The following MIR2052HG variants were observed in gnomAD, a reference collection of about 807,000 sequenced individuals.
MIR2052HG encodes MIR2052 host gene.
chr8:74,639,501 C>A (rs1448009437), intron 2 of MIR2052HG, among the ~76,000 whole-genome samples: 1 of 152,162 alleles, frequency 6.6e-6, no homozygotes, highest in Non-Finnish European at 1.5e-5. Context: ...GATCGCACAA[C>A]TGGTCACATA....
intron 1 of MIR2052HG, among the ~76,000 whole-genome samples, chr8:74,608,612 A>G (rs1808147285): frequency 6.6e-6 from 1 of 152,202 alleles, no homozygotes; most frequent in South Asian, 2.1e-4. Flanking sequence ...GATTCAATCA[A>G]TTAAATTCAT....
chr8:74,671,400 C>T (rs1045649608), intron 2 of MIR2052HG, among the ~76,000 whole-genome samples: 13 of 151,940 alleles, frequency 8.6e-5, no homozygotes, highest in Admixed American at 1.3e-4. Flanking sequence ...AGGATAGCTT[C>T]GCTTGTTTTT....
chr8:74,728,129 C>T (rs554721774), intron 4 of MIR2052HG, among the ~76,000 whole-genome samples: 1 of 152,276 alleles, frequency 6.6e-6, no homozygotes, highest in South Asian at 2.1e-4. Context: ...AAATAGTGCA[C>T]ATCATACTTG....
chr8:74,647,920 T>C (rs1023386151), intron 2 of MIR2052HG, among the ~76,000 whole-genome samples: 4 of 152,226 alleles, frequency 2.6e-5, no homozygotes, highest in Admixed American at 6.5e-5. Flanking sequence ...CTTAATCCTG[T>C]TATCTTTGCA....
chr8:74,661,167 T>C (rs1217573093), intron 2 of MIR2052HG, among the ~76,000 whole-genome samples: 2 of 150,564 alleles, frequency 1.3e-5, no homozygotes, highest in South Asian at 2.1e-4. Flanking sequence ...CCTGGTGACA[T>C]GAAAAAACTT....
intron 5 of MIR2052HG, among the ~76,000 whole-genome samples, chr8:74,753,308 G>C (rs190252740): frequency 1.3e-5 from 2 of 152,292 alleles, no homozygotes; most frequent in Admixed American, 6.5e-5. Context: ...ACATTATATA[G>C]TCTTTGTTGC....
chr8:74,733,921 A>G (rs947592183), intron 4 of MIR2052HG, among the ~76,000 whole-genome samples: 9 of 152,092 alleles, frequency 5.9e-5, no homozygotes, highest in Non-Finnish European at 1.3e-4. Context: ...CCACTTTTTG[A>G]TGGCAAGGAC....
rs553739238 is a variant in MIR2052HG, at chr8:74,688,506, A to G, written n.217-13873A>G. On this transcript the variant is annotated intron_variant and non_coding_transcript_variant, in intron 2 of 6. Coordinates refer to ENST00000523442, the Ensembl canonical transcript of MIR2052HG. ...GATATTAAAGAACTGAAGAGGGACC[A>G]AGAGAATGTGTACTTATTGCAGTGA... Among the ~76,000 whole-genome samples the G allele has an allele frequency of 9.5e-3, 1,329 of 140,522 alleles. 10 individuals carry two copies. Among genetic ancestry groups the G allele is most frequent in the Non-Finnish European group, 0.016 (1,022 of 62,092 alleles). The allele number at this position is 140,522 out of a possible 152,430, so 92.2% of individuals were successfully genotyped here. A position where few individuals can be genotyped will look rare whatever the true frequency, so the allele number is the denominator to read the frequency against.
chr8:74,608,514 T>C, intron 1 of MIR2052HG, among the ~76,000 whole-genome samples: 1 of 152,158 alleles, frequency 6.6e-6, no homozygotes, highest in East Asian at 1.9e-4. Context: ...GAATACACAT[T>C]CTTTTCAATG....
intron 4 of MIR2052HG, among the ~76,000 whole-genome samples, chr8:74,744,483 A>C (rs1809862825): frequency 6.8e-6 from 1 of 147,850 alleles, no homozygotes; most frequent in Non-Finnish European, 1.5e-5. Context: ...CCCTCCCCCT[A>C]CCCCACAACA....
intron 2 of MIR2052HG, among the ~76,000 whole-genome samples, chr8:74,685,194 G>T (rs1390861528): frequency 6.6e-6 from 1 of 152,030 alleles, no homozygotes; most frequent in Non-Finnish European, 1.5e-5. Flanking sequence ...GAGCAGTTTA[G>T]ACATTTCTGG....
intron 4 of MIR2052HG, among the ~76,000 whole-genome samples, chr8:74,730,004 G>T (rs2128754750): frequency 6.6e-6 from 1 of 152,210 alleles, no homozygotes; most frequent in South Asian, 2.1e-4. Context: ...TAGAAAATGT[G>T]AATAACTTTT....
chr8:74,707,999 T>C, intron 4 of MIR2052HG, among the ~76,000 whole-genome samples: 1 of 152,048 alleles, frequency 6.6e-6, no homozygotes, highest in South Asian at 2.1e-4. Flanking sequence ...TTTGTCTAAG[T>C]TCCAAATGGA....
intron 1 of MIR2052HG, among the ~76,000 whole-genome samples, chr8:74,606,153 G>A (rs1808107874): frequency 6.6e-6 from 1 of 152,236 alleles, no homozygotes; most frequent in Non-Finnish European, 1.5e-5. Context: ...ATTACAAGGT[G>A]ATAGACGCGG....
At chr8:74,700,812 T>G (rs1320393793) in intron 2 of MIR2052HG, among the ~76,000 whole-genome samples, 1 of 152,166 alleles carries the variant, frequency 6.6e-6, no homozygotes, top group Non-Finnish European at 1.5e-5. Flanking sequence ...TCTCTAGGTA[T>G]ATGTTCTATC....
intron 2 of MIR2052HG, among the ~76,000 whole-genome samples, chr8:74,691,976 T>C (rs1297236570): frequency 6.6e-6 from 1 of 152,234 alleles, no homozygotes; most frequent in Non-Finnish European, 1.5e-5. Flanking sequence ...TGAATTTCTT[T>C]AAAGCAATAG....
chr8:74,721,820 C>G (rs1314062320), intron 4 of MIR2052HG, among the ~76,000 whole-genome samples: 1 of 152,166 alleles, frequency 6.6e-6, no homozygotes, highest in Non-Finnish European at 1.5e-5. Context: ...GTGACACAGA[C>G]AAACATGAAG....
chr8:74,733,118 A>C (rs577898757), intron 4 of MIR2052HG, among the ~76,000 whole-genome samples: 202 of 151,936 alleles, frequency 1.3e-3, no homozygotes, highest in Admixed American at 2.2e-3. Flanking sequence ...TTTAGGGTAC[A>C]TGTGCACAAT....
intron 2 of MIR2052HG, among the ~76,000 whole-genome samples, chr8:74,642,959 T>C (rs1808655056): frequency 6.6e-6 from 1 of 152,216 alleles, no homozygotes; most frequent in Non-Finnish European, 1.5e-5. Flanking sequence ...TGAATACACC[T>C]AGCCAGATTC....
Sources: allele counts gnomAD v4.1 joint callset (sites outside exome capture counted in the v4.1 genomes callset), GRCh38; gene constraint gnomAD v4.1.1; transcripts MANE v1.5; gene names NCBI Gene and HGNC (gene_info 2026-07-23, HGNC 2026-07-21).